CSMD1: variants seen among roughly 807,000 people sequenced by gnomAD.
CSMD1 encodes CUB and Sushi multiple domains 1, also known as CUB and sushi domain-containing protein 1.
A neutral mutation model predicts 417.5 loss-of-function variants in CSMD1; 213 were observed. The observed-to-expected ratio is 0.51, with a 90% CI of 0.46 to 0.57. The LOEUF is 0.57. Among genes scored for constraint, CSMD1 ranks in the 20% least tolerant of loss-of-function variants. The pLI, the probability that CSMD1 is intolerant of heterozygous loss-of-function variation, is 0.00. For synonymous variants in CSMD1, 2,862 were observed against 1,736.8 expected (o/e 1.65, Z -16.11); for missense variants, 6,923 against 4,529.7 (o/e 1.53, Z -15.17).
rs181876158 is a variant in CSMD1 at position 3,843,724 on chromosome 8, G to T, written c.819-89682C>A. Among the ~76,000 whole-genome samples, 95 of 152,314 alleles carry T rather than the reference G, an allele frequency of 6.2e-4. 1 individual carries two copies. Among genetic ancestry groups the T allele is most frequent in the Middle Eastern group, 3.4e-3 (1 of 294 alleles). Reference sequence around the variant, plus strand: ...CACAGACCTAGTTTGAGCACTGAAAGGAGGTGGCTGGTCTTCGGGAAATGT... The same window carrying T: ...CACAGACCTAGTTTGAGCACTGAAATGAGGTGGCTGGTCTTCGGGAAATGT... On this transcript the variant is annotated intron_variant, in intron 5 of 69. Coordinates refer to ENST00000635120, the MANE Select transcript of CSMD1 (RefSeq NM_033225.6).
chr8:2,970,348 G>C (rs1804343681), intron 57 of CSMD1, among the ~76,000 whole-genome samples: 1 of 152,158 alleles, frequency 6.6e-6, no homozygotes, highest in African/African-American at 2.4e-5. Flanking sequence ...AGTCTCAAGT[G>C]AATGGCCATC....
intron 3 of CSMD1, among the ~76,000 whole-genome samples, chr8:4,376,267 T>C (rs568344861): frequency 9.8e-5 from 15 of 152,324 alleles, no homozygotes; most frequent in South Asian, 4.1e-4. Flanking sequence ...TTTTCTCTGA[T>C]GGTAAGAATG....
intron 5 of CSMD1, among the ~76,000 whole-genome samples, chr8:3,975,542 C>T (rs1308744902): frequency 6.6e-6 from 1 of 152,136 alleles, no homozygotes; most frequent in Admixed American, 6.6e-5. Context: ...ATGGCTTCTC[C>T]CACTGTCGGG....
chr8:4,371,971 G>A (rs995793657), intron 3 of CSMD1, among the ~76,000 whole-genome samples: 75 of 152,306 alleles, frequency 4.9e-4, no homozygotes, highest in African/African-American at 1.7e-3. Flanking sequence ...ACTCATTGCC[G>A]TGATGGAAAT....
At chr8:3,387,216 A>G (rs1243818789) in intron 18 of CSMD1, among the ~76,000 whole-genome samples, 1 of 152,214 alleles carries the variant, frequency 6.6e-6, no homozygotes, top group Non-Finnish European at 1.5e-5. Flanking sequence ...CAGTTTCAAT[A>G]AATACCATAT....
rs116232810 is a variant in CSMD1 at position 4,479,768 on chromosome 8, T to C, written c.303-59703A>G. 4.2e-3 allele frequency among the ~76,000 whole-genome samples: 641 copies of C among 151,694 alleles called. 4 individuals carry two copies. The highest frequency in any genetic ancestry group is 0.015 in the African/African-American group (604 of 41,394). On this transcript the variant is annotated intron_variant, in intron 2 of 69. Transcript: ENST00000635120. ...AATTAGCTTCCTTAGAAGCTAATTC[T>C]CTACTGAGAATTAGAGAAACCCCGT...
intron 18 of CSMD1, among the ~76,000 whole-genome samples, chr8:3,376,840 T>A (rs1810338389): frequency 6.6e-6 from 1 of 152,144 alleles, no homozygotes; most frequent in Non-Finnish European, 1.5e-5. Flanking sequence ...GGTTTAAATA[T>A]CCTACTTATG....
At chr8:4,023,753 ATTTTTTTTT>A (rs760333220) in intron 4 of CSMD1, among the ~76,000 whole-genome samples, 6 of 50,102 alleles carry the variant, frequency 1.2e-4, no homozygotes, top group Non-Finnish European at 1.7e-4. Context: ...CGCTCGGCTA[ATTTTTTTTT>A]TTTTTTTTTT....
chr8:3,335,204 C>A (rs1807177190), intron 23 of CSMD1, among the ~76,000 whole-genome samples: 1 of 152,112 alleles, frequency 6.6e-6, no homozygotes, highest in South Asian at 2.1e-4. Flanking sequence ...GGTGAACCAG[C>A]CTCTAATGGT....
chr8:3,924,853 A>G (rs1809530534), intron 5 of CSMD1, among the ~76,000 whole-genome samples: 1 of 152,152 alleles, frequency 6.6e-6, no homozygotes, highest in Admixed American at 6.6e-5. Context: ...CAGGCGGTTC[A>G]AAAATTCTCA....
chr8:4,744,255 C>A (rs748974004), intron 1 of CSMD1, among the ~76,000 whole-genome samples: 1 of 152,198 alleles, frequency 6.6e-6, no homozygotes, highest in Admixed American at 6.5e-5. Context: ...GAAAGTACAG[C>A]TCAGGGGCTT....
At chr8:4,967,845 T>G (rs1809980780) in intron 1 of CSMD1, among the ~76,000 whole-genome samples, 1 of 152,190 alleles carries the variant, frequency 6.6e-6, no homozygotes, top group Non-Finnish European at 1.5e-5. Flanking sequence ...ACAGTTGAGA[T>G]GACAACTTTA....
intron 69 of CSMD1, among the ~76,000 whole-genome samples, chr8:2,940,370 C>T (rs1359718105): frequency 6.6e-6 from 1 of 152,172 alleles, no homozygotes; most frequent in Non-Finnish European, 1.5e-5. Context: ...TGAGAGGGAA[C>T]AGCTTCCTTC....
chr8:4,750,809 G>T (rs1811271538), intron 1 of CSMD1, among the ~76,000 whole-genome samples: 1 of 151,696 alleles, frequency 6.6e-6, no homozygotes, highest in Admixed American at 6.6e-5. Flanking sequence ...GCTTTTTTAT[G>T]CTTGTTTCAG....
chr8:4,107,462 A>G (rs190561785), intron 3 of CSMD1, among the ~76,000 whole-genome samples: 5 of 152,332 alleles, frequency 3.3e-5, no homozygotes, highest in Non-Finnish European at 7.3e-5. Context: ...AGCACTGGAT[A>G]ATGATTACAA....
intron 1 of CSMD1, among the ~76,000 whole-genome samples, chr8:4,909,667 A>C (rs1220159083): frequency 6.6e-6 from 1 of 151,184 alleles, no homozygotes; most frequent in African/African-American, 2.5e-5. Context: ...CTAAGACTGC[A>C]CACCCCCGGA....
chr8:3,243,064 A>G (rs1338291248), intron 26 of CSMD1, among the ~76,000 whole-genome samples: 1 of 152,092 alleles, frequency 6.6e-6, no homozygotes. Context: ...AAATGAAAGG[A>G]ATTGAAATTA....
At chr8:4,450,947 C>A (rs1050577165) in intron 2 of CSMD1, among the ~76,000 whole-genome samples, 1 of 152,000 alleles carries the variant, frequency 6.6e-6, no homozygotes, top group Admixed American at 6.6e-5. Flanking sequence ...AGAACCCATA[C>A]AACTAAGATC....
At chr8:4,941,328 T>C (rs1468551333) in intron 1 of CSMD1, among the ~76,000 whole-genome samples, 2 of 151,686 alleles carry the variant, frequency 1.3e-5, no homozygotes, top group East Asian at 4.0e-4. Context: ...AGCACACGCT[T>C]CATAATAAAT....
Sources: allele counts gnomAD v4.1 joint callset (sites outside exome capture counted in the v4.1 genomes callset), GRCh38; gene constraint gnomAD v4.1.1; transcripts MANE v1.5; gene names NCBI Gene and HGNC (gene_info 2026-07-23, HGNC 2026-07-21).